Variants in GABRG3 observed in about 807,000 individuals in gnomAD.
GABRG3 encodes gamma-aminobutyric acid type A receptor subunit gamma3.
GABRG3 carries 25 observed loss-of-function variants against 48.8 expected under a neutral mutation model. The ratio of observed to expected loss-of-function variants is 0.51; its 90% confidence interval spans 0.37 to 0.72. The LOEUF (loss-of-function observed/expected upper bound fraction) is 0.72. Among genes scored for constraint, GABRG3 ranks in the 30% least tolerant of loss-of-function variants. The pLI is 0.00. For missense variants in GABRG3, 394 were observed against 577.9 expected, an observed-to-expected ratio of 0.68 and a Z score of 3.26; for synonymous variants, 227 against 217.6, an observed-to-expected ratio of 1.04 and a Z score of -0.38.
intron 3 of GABRG3, among the ~76,000 whole-genome samples, chr15:27,110,324 TC>T (rs1450973442): frequency 4.6e-5 from 7 of 152,206 alleles, no homozygotes; most frequent in Non-Finnish European, 7.3e-5. Context: ...TTCCTATGTC[TC>T]ATACATTACT....
At chr15:27,312,491 A>G (rs536103236) in intron 3 of GABRG3, among the ~76,000 whole-genome samples, 1 of 152,292 alleles carries the variant, frequency 6.6e-6, no homozygotes, top group South Asian at 2.1e-4. Context: ...GAGATACATT[A>G]TAATCAAATT....
At chr15:27,347,081 G>A (rs1355329624) in intron 5 of GABRG3, among the ~76,000 whole-genome samples, 2 of 152,080 alleles carry the variant, frequency 1.3e-5, no homozygotes, top group Non-Finnish European at 2.9e-5. Context: ...ATGTTGGTCT[G>A]ACTAGGAATT....
chr15:27,164,519 G>C (rs555157817), intron 3 of GABRG3, among the ~76,000 whole-genome samples: 8 of 152,256 alleles, frequency 5.3e-5, no homozygotes, highest in African/African-American at 1.9e-4. Context: ...TTTGATCCAG[G>C]TTTGATCCAG....
chr15:27,322,391 G>A (rs1281917067), intron 3 of GABRG3, among the ~76,000 whole-genome samples: 2 of 152,142 alleles, frequency 1.3e-5, no homozygotes, highest in East Asian at 1.9e-4. Flanking sequence ...TGCTCTGCAA[G>A]CCTCCACCTC....
In GABRG3 at chr15:27,236,912, T is replaced by C. The variant is rs1489283697; in HGVS notation, c.271-89897T>C. ...CCCCCCACTCAGCAGACATTCCTGC[T>C]CCCTTTACCCCTCCCTTGGAGGACT... On this transcript the variant is annotated intron_variant, in intron 3 of 9. Transcript: ENST00000615808. This position sits in a 1 kb window ranked among gnomAD's most constrained non-coding sequence, Gnocchi z 4.4. Among the ~76,000 whole-genome samples the C allele has an allele frequency of 6.6e-6, 1 of 152,174 alleles. No homozygotes were observed. Among genetic ancestry groups the C allele is most frequent in the Non-Finnish European group, 1.5e-5 (1 of 68,046 alleles).
chr15:27,388,357 G>GAAGA (rs1896100729), intron 5 of GABRG3, among the ~76,000 whole-genome samples: 1 of 26,938 alleles, frequency 3.7e-5, no homozygotes, highest in African/African-American at 1.2e-4. Flanking sequence ...GGAGGGTAAG[G>GAAGA]AAGGAAGGAA....
chr15:27,395,172 T>G, intron 5 of GABRG3, among the ~76,000 whole-genome samples: 1 of 152,206 alleles, frequency 6.6e-6, no homozygotes, highest in Non-Finnish European at 1.5e-5. Flanking sequence ...TTCCCCAGAC[T>G]GGTAATCTCA....
At chr15:27,357,016 A>G (rs1894864142) in intron 5 of GABRG3, among the ~76,000 whole-genome samples, 1 of 152,218 alleles carries the variant, frequency 6.6e-6, no homozygotes, top group Non-Finnish European at 1.5e-5. Flanking sequence ...TCATAATAGA[A>G]TGTCATAAAA....
chr15:26,987,415 T>C (rs751343464), intron 2 of GABRG3, among the ~76,000 whole-genome samples: 3 of 152,216 alleles, frequency 2.0e-5, no homozygotes, highest in Non-Finnish European at 4.4e-5. Flanking sequence ...TTAACATCCA[T>C]ATCCAAGACA....
chr15:27,466,447 T>C (rs1386095479), intron 5 of GABRG3, among the ~76,000 whole-genome samples: 2 of 145,272 alleles, frequency 1.4e-5, no homozygotes, highest in Non-Finnish European at 3.0e-5. Flanking sequence ...AAGAAAATGA[T>C]CCCAATTTCC....
intron 3 of GABRG3, among the ~76,000 whole-genome samples, chr15:27,210,876 GA>G (rs1889057563): frequency 6.6e-6 from 1 of 152,100 alleles, no homozygotes; most frequent in African/African-American, 2.4e-5. Flanking sequence ...CTGTTTCCGG[GA>G]AATATTTTCT....
intron 3 of GABRG3, among the ~76,000 whole-genome samples, chr15:27,246,454 T>C (rs2140456723): frequency 6.6e-6 from 1 of 152,282 alleles, no homozygotes; most frequent in African/African-American, 2.4e-5. Context: ...AATAGATAGG[T>C]CTAGTATAAG....
At chr15:27,472,302 G>T (rs1380327723) in intron 5 of GABRG3, among the ~76,000 whole-genome samples, 1 of 151,982 alleles carries the variant, frequency 6.6e-6, no homozygotes, top group Non-Finnish European at 1.5e-5. Context: ...GGAAAATGGA[G>T]TCTCACTCTA....
At chr15:27,428,959 A>T (rs1888371101) in intron 5 of GABRG3, among the ~76,000 whole-genome samples, 1 of 152,262 alleles carries the variant, frequency 6.6e-6, no homozygotes, top group African/African-American at 2.4e-5. Context: ...GTCAGGTACG[A>T]ATCTGTGAAG....
chr15:26,977,173 C>A, intron 2 of GABRG3, 23 bp downstream of exon 2: 1 of 1,599,172 alleles, frequency 6.3e-7, no homozygotes, highest in Non-Finnish European at 8.5e-7. Flanking sequence ...TTTTGTTATT[C>A]TAATAGAAAA....
chr15:27,255,368 AG>A (rs1231377199), intron 3 of GABRG3, among the ~76,000 whole-genome samples: 3 of 152,198 alleles, frequency 2.0e-5, no homozygotes, highest in Non-Finnish European at 4.4e-5. Flanking sequence ...CTTTCCTGGC[AG>A]GTAGAACCCT....
chr15:27,354,601 C>A (rs1204278792), intron 5 of GABRG3, among the ~76,000 whole-genome samples: 3 of 152,144 alleles, frequency 2.0e-5, no homozygotes, highest in Admixed American at 1.3e-4. Flanking sequence ...TGAGAAGCAC[C>A]AGGAGGAGAT....
intron 5 of GABRG3, among the ~76,000 whole-genome samples, chr15:27,388,063 G>T: frequency 9.1e-6 from 1 of 109,328 alleles, no homozygotes; most frequent in Admixed American, 9.0e-5. Context: ...GTGGGAGGGA[G>T]GGTAAGGAAG....
At chr15:27,299,170 G>C (rs188559306) in intron 3 of GABRG3, among the ~76,000 whole-genome samples, 1 of 152,250 alleles carries the variant, frequency 6.6e-6, no homozygotes, top group Admixed American at 6.5e-5. Context: ...TGTAATCCCA[G>C]TTACTCAGGA....
Sources: gnomAD v4.1 joint callset for allele counts (sites outside exome capture counted in the v4.1 genomes callset) on GRCh38, gnomAD v4.1.1 for gene constraint, Gnocchi (gnomAD v3.1) non-coding constraint, MANE v1.5 for transcripts, NCBI Gene and HGNC (gene_info 2026-07-23, HGNC 2026-07-21) for gene names.